The following KAT6B variants were observed in gnomAD, a reference collection of about 807,000 sequenced individuals.
KAT6B encodes lysine acetyltransferase 6B.
In KAT6B, 10 loss-of-function variants were observed where a neutral mutation model predicts 187.5. That is an observed-to-expected ratio of 0.05 (90% confidence interval 0.03 to 0.09). The LOEUF (loss-of-function observed/expected upper bound fraction) is 0.09. Ranked by LOEUF, KAT6B falls within the 10% of genes least tolerant of loss-of-function variation. The pLI is 1.00. For synonymous variants in KAT6B, 861 were observed against 926.8 expected, an observed-to-expected ratio of 0.93 and a Z score of 1.29; for missense variants, 1,952 against 2,558.9, an observed-to-expected ratio of 0.76 and a Z score of 5.12.
At chr10:74,901,148 T>C (rs1215307172) in intron 3 of KAT6B, among the ~76,000 whole-genome samples, 1 of 152,214 alleles carries the variant, frequency 6.6e-6, no homozygotes, top group African/African-American at 2.4e-5. Flanking sequence ...TATAAAATAA[T>C]TACCGTTGAA....
chr10:74,855,245 G>C (rs979160057), intron 3 of KAT6B, among the ~76,000 whole-genome samples: 1 of 152,138 alleles, frequency 6.6e-6, no homozygotes, highest in African/African-American at 2.4e-5. Context: ...CTTGGTCTGG[G>C]CTGCCTAGGG....
intron 14 of KAT6B, 129 bp from the exon 15 acceptor site, chr10:75,020,997 C>T (rs1161875205): frequency 9.9e-7 from 1 of 1,011,492 alleles, no homozygotes; most frequent in Non-Finnish European, 1.6e-6. Flanking sequence ...GTGTTCTGTA[C>T]CCTCTCATTG....
intron 13 of KAT6B, among the ~76,000 whole-genome samples, chr10:75,005,711 G>A (rs551296242): frequency 2.6e-4 from 40 of 152,140 alleles, no homozygotes; most frequent in Admixed American, 4.6e-4. Context: ...CTCCCCCATG[G>A]ATTTGTGGTT....
chr10:74,841,313 C>T (rs1841727175), intron 2 of KAT6B, among the ~76,000 whole-genome samples: 1 of 152,192 alleles, frequency 6.6e-6, no homozygotes, highest in Non-Finnish European at 1.5e-5. Flanking sequence ...TGGCTTACAC[C>T]TATAATCCTA....
At chr10:75,008,982 T>C (rs945476497) in intron 13 of KAT6B, among the ~76,000 whole-genome samples, 1 of 152,198 alleles carries the variant, frequency 6.6e-6, no homozygotes, top group Non-Finnish European at 1.5e-5. Context: ...GCAAAACTTA[T>C]ACAGGAAGTT....
intron 13 of KAT6B, among the ~76,000 whole-genome samples, chr10:75,016,767 A>T (rs1845000310): frequency 6.6e-6 from 1 of 152,064 alleles, no homozygotes; most frequent in Admixed American, 6.5e-5. Context: ...GTTAAGGAGA[A>T]GTGTTAGAGC....
At chr10:74,932,206 A>G (rs1848931954) in intron 3 of KAT6B, among the ~76,000 whole-genome samples, 2 of 152,244 alleles carry the variant, frequency 1.3e-5, no homozygotes, top group Admixed American at 6.5e-5. Context: ...CATCAAGTAC[A>G]GTAACGACTC....
intron 3 of KAT6B, among the ~76,000 whole-genome samples, chr10:74,885,625 A>G (rs779053956): frequency 3.3e-5 from 5 of 152,188 alleles, no homozygotes; most frequent in African/African-American, 9.6e-5. Context: ...GTTATCTAGG[A>G]TAAAGAAGTG....
At chr10:74,870,325 T>C (rs1843826052) in intron 3 of KAT6B, among the ~76,000 whole-genome samples, 1 of 151,890 alleles carries the variant, frequency 6.6e-6, no homozygotes, top group Non-Finnish European at 1.5e-5. Flanking sequence ...AAACCAAATA[T>C]GAGACCATGA....
chr10:74,954,774 C>T (rs531219937), intron 3 of KAT6B, among the ~76,000 whole-genome samples: 2 of 152,188 alleles, frequency 1.3e-5, no homozygotes, highest in Non-Finnish European at 2.9e-5. Flanking sequence ...ATTAATCTAG[C>T]GATTCTTCTG....
At chr10:74,950,231 A>G (rs956952992) in intron 3 of KAT6B, among the ~76,000 whole-genome samples, 1 of 152,206 alleles carries the variant, frequency 6.6e-6, no homozygotes, top group African/African-American at 2.4e-5. Context: ...TGAAATTGCA[A>G]GAATAGCCAT....
At chr10:74,886,435 G>A (rs540086555) in intron 3 of KAT6B, among the ~76,000 whole-genome samples, 6 of 152,272 alleles carry the variant, frequency 3.9e-5, no homozygotes, top group African/African-American at 1.4e-4. Context: ...AAAATGCCGA[G>A]TTTGACTCAC....
chr10:74,833,921 C>T (rs536406175), intron 1 of KAT6B, among the ~76,000 whole-genome samples: 2 of 152,308 alleles, frequency 1.3e-5, no homozygotes, highest in South Asian at 2.1e-4. Flanking sequence ...AGTGCCTGCT[C>T]TGGGCTTGCT....
In KAT6B at chr10:74,928,869, G is replaced by A. The variant is rs75412558; in HGVS notation, c.622-31101G>A. On this transcript the variant is annotated intron_variant, in intron 3 of 17. Coordinates refer to ENST00000287239, the MANE Select transcript of KAT6B (RefSeq NM_012330.4). ...ACAATGACTTTGATAAGTACAAGAT[G>A]GTGAGTTGAGGTTTTAGCCAAGAAC... Among the ~76,000 whole-genome samples the A allele has an allele frequency of 3.9e-3, 599 of 152,244 alleles. 2 individuals are homozygous for A. The highest frequency in any genetic ancestry group is 0.013 in the African/African-American group (557 of 41,540).
chr10:74,879,241 A>G (rs1190942091), intron 3 of KAT6B, among the ~76,000 whole-genome samples: 2 of 152,132 alleles, frequency 1.3e-5, no homozygotes, highest in Non-Finnish European at 2.9e-5. Flanking sequence ...TTCTGGGGTG[A>G]TCAAGCATCC....
chr10:74,878,346 A>AT (rs1161746999), intron 3 of KAT6B, among the ~76,000 whole-genome samples: 1 of 152,184 alleles, frequency 6.6e-6, no homozygotes, highest in Non-Finnish European at 1.5e-5. Flanking sequence ...GTAACTAACC[A>AT]TACAACTAAT....
chr10:74,899,921 A>G (rs1163563920), intron 3 of KAT6B, among the ~76,000 whole-genome samples: 2 of 152,224 alleles, frequency 1.3e-5, no homozygotes, highest in African/African-American at 2.4e-5. Flanking sequence ...CTTTAAATCA[A>G]TTACACATGA....
At chr10:74,903,618 AT>A (rs1351013600) in intron 3 of KAT6B, among the ~76,000 whole-genome samples, 2 of 152,204 alleles carry the variant, frequency 1.3e-5, no homozygotes, top group Non-Finnish European at 2.9e-5. Context: ...CTAAGAGCTC[AT>A]GGATAAGAGC....
chr10:74,980,418 G>T (rs1013542784), intron 10 of KAT6B, among the ~76,000 whole-genome samples: 1 of 152,050 alleles, frequency 6.6e-6, no homozygotes, highest in Non-Finnish European at 1.5e-5. Context: ...GGCCAATCAC[G>T]TAACTGGAGA....
Sources: gnomAD v4.1 joint callset for allele counts (sites outside exome capture counted in the v4.1 genomes callset) on GRCh38, gnomAD v4.1.1 for gene constraint, MANE v1.5 for transcripts, NCBI Gene and HGNC (gene_info 2026-07-23, HGNC 2026-07-21) for gene names.